The following CHRM2 variants were observed in gnomAD, a reference collection of about 807,000 sequenced individuals.
CHRM2 encodes the protein cholinergic receptor muscarinic 2.
A neutral mutation model predicts 25.0 loss-of-function variants in CHRM2; 8 were observed. That is an observed-to-expected ratio of 0.32 (90% confidence interval 0.19 to 0.58). CHRM2 has a LOEUF of 0.58. Ranked by LOEUF, CHRM2 falls within the 20% of genes least tolerant of loss-of-function variation. The pLI is 0.88. For synonymous variants in CHRM2, 202 were observed against 205.7 expected, an observed-to-expected ratio of 0.98 and a Z score of 0.15; for missense variants, 440 against 567.1, an observed-to-expected ratio of 0.78 and a Z score of 2.28.
intron 2 of CHRM2, among the ~76,000 whole-genome samples, chr7:136,889,966 A>AAT (rs1796628857): frequency 2.0e-5 from 3 of 152,218 alleles, no homozygotes; most frequent in Admixed American, 1.3e-4. Flanking sequence ...TCCAGGGAGG[A>AAT]ATAGACTTCT....
chr7:136,884,669 T>C (rs1424569), intron 2 of CHRM2, among the ~76,000 whole-genome samples: 75,909 of 151,886 alleles, frequency 0.5, 19,598 homozygotes, highest in African/African-American at 0.55. Context: ...ACACTGGGAA[T>C]GTGATGTCCT....
At chr7:137,012,688 T>C (rs1804902092) in intron 3 of CHRM2, among the ~76,000 whole-genome samples, 1 of 152,010 alleles carries the variant, frequency 6.6e-6, no homozygotes, top group African/African-American at 2.4e-5. Context: ...TGTCAATGAA[T>C]AGTTTTAATA....
At chr7:136,913,946 A>G (rs1422538541) in intron 2 of CHRM2, among the ~76,000 whole-genome samples, 1 of 151,978 alleles carries the variant, frequency 6.6e-6, no homozygotes, top group African/African-American at 2.4e-5. Flanking sequence ...TGCCAAGAAC[A>G]GTGCCTTACC....
intron 2 of CHRM2, among the ~76,000 whole-genome samples, chr7:136,916,468 T>C (rs1486138155): frequency 6.6e-6 from 1 of 151,742 alleles, no homozygotes; most frequent in African/African-American, 2.4e-5. Context: ...CTGAGGACCA[T>C]ATTACTTAAT....
At chr7:136,916,361 C>T (rs1315178327) in intron 2 of CHRM2, among the ~76,000 whole-genome samples, 1 of 151,824 alleles carries the variant, frequency 6.6e-6, no homozygotes, top group African/African-American at 2.4e-5. Context: ...TATAGAATAA[C>T]AGGTCTGCCT....
chr7:137,004,332 A>G (rs969771802), intron 3 of CHRM2, among the ~76,000 whole-genome samples: 2 of 152,166 alleles, frequency 1.3e-5, no homozygotes, highest in African/African-American at 4.8e-5. Context: ...AAGAAGGGAA[A>G]TGCCACTTTT....
At chr7:136,896,790 C>T (rs1796920634) in intron 2 of CHRM2, among the ~76,000 whole-genome samples, 1 of 152,060 alleles carries the variant, frequency 6.6e-6, no homozygotes, top group Admixed American at 6.6e-5. Flanking sequence ...GGAGATGTGG[C>T]TGCAGGCATT....
intron 2 of CHRM2, among the ~76,000 whole-genome samples, chr7:136,888,369 C>A (rs1352807479): frequency 6.6e-6 from 1 of 152,202 alleles, no homozygotes; most frequent in African/African-American, 2.4e-5. Flanking sequence ...TTCTAAGCAC[C>A]TTTCTGATTT....
chr7:136,921,292 C>T (rs1346063724), intron 2 of CHRM2, among the ~76,000 whole-genome samples: 1 of 152,092 alleles, frequency 6.6e-6, no homozygotes, highest in African/African-American at 2.4e-5. Flanking sequence ...GTGTCCACAC[C>T]TATAGTAATT....
chr7:136,911,558 C>T (rs1797843386), intron 2 of CHRM2, among the ~76,000 whole-genome samples: 1 of 151,908 alleles, frequency 6.6e-6, no homozygotes, highest in South Asian at 2.1e-4. Context: ...GCTGTATCTT[C>T]ACGTACATAC....
At chr7:136,999,740 A>C (rs1803859222) in intron 3 of CHRM2, among the ~76,000 whole-genome samples, 2 of 152,192 alleles carry the variant, frequency 1.3e-5, no homozygotes, top group Non-Finnish European at 2.9e-5. Flanking sequence ...ATAAGTAAAT[A>C]GTACAGATAC....
chr7:136,878,222 C>T (rs1445464470), intron 2 of CHRM2, among the ~76,000 whole-genome samples: 1 of 151,894 alleles, frequency 6.6e-6, no homozygotes, highest in Non-Finnish European at 1.5e-5. Context: ...AAGAGCAGCC[C>T]CAGGGCCAAA....
At chr7:136,876,949 G>A (rs756365255) in intron 2 of CHRM2, among the ~76,000 whole-genome samples, 3 of 152,078 alleles carry the variant, frequency 2.0e-5, no homozygotes, top group Non-Finnish European at 4.4e-5. Context: ...GAGTATCTGA[G>A]ACACTTTATT....
At chr7:136,883,965 A>G (rs1796362934) in intron 2 of CHRM2, among the ~76,000 whole-genome samples, 1 of 152,192 alleles carries the variant, frequency 6.6e-6, no homozygotes, top group African/African-American at 2.4e-5. Context: ...TTCTGGAAAT[A>G]TAATCTAGTC....
chr7:136,951,725 C>G (rs908803216), intron 2 of CHRM2, among the ~76,000 whole-genome samples: 1 of 152,274 alleles, frequency 6.6e-6, no homozygotes, highest in Non-Finnish European at 1.5e-5. Flanking sequence ...TTGGCTCCTT[C>G]CCACCCTCCA....
chr7:136,891,863 C>T (rs1563048807), intron 2 of CHRM2, among the ~76,000 whole-genome samples: 2 of 152,192 alleles, frequency 1.3e-5, no homozygotes, highest in Non-Finnish European at 2.9e-5. Flanking sequence ...AAGTCCTTTC[C>T]CTGTGAATCC....
intron 2 of CHRM2, among the ~76,000 whole-genome samples, chr7:136,882,660 C>A (rs989637514): frequency 6.6e-6 from 1 of 152,000 alleles, no homozygotes; most frequent in African/African-American, 2.4e-5. Flanking sequence ...TAAAATTTTT[C>A]TTTGAAAATA....
chr7:136,874,469 C>T (rs1227421653), intron 2 of CHRM2, among the ~76,000 whole-genome samples: 1 of 152,002 alleles, frequency 6.6e-6, no homozygotes, highest in African/African-American at 2.4e-5. Context: ...AGGGTACACA[C>T]TAAAAACTCA....
chr7:136,935,341 G>A (rs1031946340), intron 2 of CHRM2, among the ~76,000 whole-genome samples: 2 of 152,100 alleles, frequency 1.3e-5, no homozygotes, highest in African/African-American at 4.8e-5. Context: ...GGTAAGGCAG[G>A]GGTCAGATAA....
Sources: gnomAD v4.1 joint callset for allele counts (sites outside exome capture counted in the v4.1 genomes callset) on GRCh38, gnomAD v4.1.1 for gene constraint, MANE v1.5 for transcripts, NCBI Gene and HGNC (gene_info 2026-07-23, HGNC 2026-07-21) for gene names.